The following HTR1F variants were observed in gnomAD, a reference collection of about 807,000 sequenced individuals.
HTR1F encodes the protein 5-hydroxytryptamine receptor 1F.
Under a neutral mutation model 24.0 loss-of-function variants are expected in HTR1F, and 17 were observed. The ratio of observed to expected loss-of-function variants is 0.71; its 90% CI spans 0.48 to 1.06. The LOEUF (loss-of-function observed/expected upper bound fraction) is 1.06. Ranked by LOEUF, HTR1F falls within the 50% of genes least tolerant of loss-of-function variation. The pLI is 0.00. For synonymous variants in HTR1F, 186 were observed against 156.8 expected, an observed-to-expected ratio of 1.19 and a Z score of -1.39; for missense variants, 391 against 427.8, an observed-to-expected ratio of 0.91 and a Z score of 0.76.
intron 2 of HTR1F, among the ~76,000 whole-genome samples, chr3:87,901,008 T>C (rs184176297): frequency 1.3e-5 from 2 of 152,184 alleles, no homozygotes; most frequent in African/African-American, 4.8e-5. Context: ...GAGAACGACA[T>C]CCAAGGACTG....
intron 2 of HTR1F, among the ~76,000 whole-genome samples, chr3:87,830,652 G>T (rs958682406): frequency 6.6e-6 from 1 of 152,116 alleles, no homozygotes; most frequent in Non-Finnish European, 1.5e-5. Context: ...TCTCATTAAA[G>T]TGTATTTAGC....
rs534163461 is a variant in HTR1F, at chr3:87,858,331, A to C, written c.-43+36207A>C. Among the ~76,000 whole-genome samples the C allele has an allele frequency of 6.0e-4, 91 of 152,312 alleles. No individual in the cohort carries two copies. The Middle Eastern group carries it at 0.01, about 17-fold the overall frequency. On this transcript the variant is annotated intron_variant, in intron 2 of 2. Transcript: ENST00000319595. Reference sequence around the variant, plus strand: ...CCTGTGATTTCCTGTGAACGTCTGCAGAAGCTTGTCTATATTAGGACTGGG... The same window carrying C: ...CCTGTGATTTCCTGTGAACGTCTGCCGAAGCTTGTCTATATTAGGACTGGG...
intron 2 of HTR1F, among the ~76,000 whole-genome samples, chr3:87,822,579 C>T (rs1244955609): frequency 6.6e-6 from 1 of 152,168 alleles, no homozygotes; most frequent in Non-Finnish European, 1.5e-5. Flanking sequence ...TAACTATCCT[C>T]AGTGGGATAA....
In HTR1F at chr3:87,991,986, A is replaced by G. The variant is rs1482546067; in HGVS notation, c.*136A>G. ...CTAAATTGATAAGGCTATAATTTAT[A>G]TTTTAATAGCAATGTGAATATAAAA... On this transcript the variant is annotated 3_prime_UTR_variant, in exon 3 of 3. Transcript: ENST00000319595. 4.6e-6 allele frequency: 3 copies of G among 645,930 alleles called. No homozygotes were observed. In the East Asian group the frequency reaches 8.9e-5, roughly 19 times the overall value. The allele number at this position is 645,930 out of a possible 1,614,324, so 40.0% of individuals were successfully genotyped here.
intron 1 of HTR1F, among the ~76,000 whole-genome samples, chr3:87,812,288 G>C (rs1704173994): frequency 6.6e-6 from 1 of 152,144 alleles, no homozygotes; most frequent in African/African-American, 2.4e-5. Context: ...ATTATTTAAT[G>C]GTTTTGACCA....
intron 2 of HTR1F, among the ~76,000 whole-genome samples, chr3:87,829,858 A>G (rs1704540117): frequency 6.6e-6 from 1 of 152,248 alleles, no homozygotes; most frequent in South Asian, 2.1e-4. Flanking sequence ...AGTACATCAT[A>G]GATTACTGAT....
In HTR1F at chr3:87,913,571, C is replaced by T. The variant is rs1172712036; in HGVS notation, c.-42-77137C>T. On this transcript the variant is annotated intron_variant, in intron 2 of 2. Transcript: ENST00000319595. ...GAAATACCATTTGACCCAGCAATCC[C>T]ATTACTGGATATATACCCAAAGAAA... Among the ~76,000 whole-genome samples, 15 of 152,218 alleles carry T rather than the reference C, an allele frequency of 9.9e-5. No individual in the cohort carries two copies. The East Asian group carries it at 2.9e-3, about 29-fold the overall frequency.
At chr3:87,987,545 G>C (rs1207324881) in intron 2 of HTR1F, among the ~76,000 whole-genome samples, 2 of 150,106 alleles carry the variant, frequency 1.3e-5, no homozygotes, top group East Asian at 1.9e-4. Context: ...AACAATATGA[G>C]AGAAGGGGAG....
At chr3:87,896,975 C>T (rs1038439188) in intron 2 of HTR1F, among the ~76,000 whole-genome samples, 26 of 152,050 alleles carry the variant, frequency 1.7e-4, no homozygotes, top group African/African-American at 5.3e-4. Context: ...TAGCTTATTG[C>T]AGCCCTTATG....
intron 2 of HTR1F, among the ~76,000 whole-genome samples, chr3:87,909,590 A>T (rs929901651): frequency 6.6e-6 from 1 of 152,076 alleles, no homozygotes; most frequent in Non-Finnish European, 1.5e-5. Context: ...TACAAAATCA[A>T]TTTTACCAGA....
rs368488042 is a variant in HTR1F, at chr3:87,923,308, G to T, written c.-42-67400G>T. 2.3e-4 allele frequency among the ~76,000 whole-genome samples: 35 copies of T among 151,888 alleles called. 1 individual carries two copies. Among genetic ancestry groups the T allele is most frequent in the African/African-American group, 6.0e-4 (25 of 41,494 alleles). ...TTTTATTTCTGTGAATCATGTTATT[G>T]GTATTTTAAGAGGGATCACATTGAA... On this transcript the variant is annotated intron_variant, in intron 2 of 2. Transcript: ENST00000319595.
At chr3:87,957,107 C>T (rs1423322898) in intron 2 of HTR1F, among the ~76,000 whole-genome samples, 4 of 151,236 alleles carry the variant, frequency 2.6e-5, no homozygotes, top group African/African-American at 9.7e-5. Flanking sequence ...TGCCTCTTAT[C>T]AGATGGAGGC....
At chr3:87,839,589 T>C (rs571923868) in intron 2 of HTR1F, among the ~76,000 whole-genome samples, 2 of 152,130 alleles carry the variant, frequency 1.3e-5, no homozygotes, top group Admixed American at 6.6e-5. Flanking sequence ...TTAAAAAAAG[T>C]CATTGGAATT....
chr3:87,822,474 A>T (rs1222130753), intron 2 of HTR1F, among the ~76,000 whole-genome samples: 3 of 152,212 alleles, frequency 2.0e-5, no homozygotes, highest in Admixed American at 1.3e-4. Context: ...ACTAAATCAG[A>T]TAAAAACCTG....
At chr3:87,946,600 T>C (rs1704711135) in intron 2 of HTR1F, among the ~76,000 whole-genome samples, 1 of 80,744 alleles carries the variant, frequency 1.2e-5, no homozygotes, top group African/African-American at 4.5e-5. Context: ...TTTACATATA[T>C]GTGTGTGTGT....
At chr3:87,903,547 G>A (rs1706382819) in intron 2 of HTR1F, among the ~76,000 whole-genome samples, 1 of 151,274 alleles carries the variant, frequency 6.6e-6, no homozygotes, top group Non-Finnish European at 1.5e-5. Context: ...CTGGCCATCA[G>A]AGAAATGCAA....
At chr3:87,952,875 A>G (rs929117095) in intron 2 of HTR1F, among the ~76,000 whole-genome samples, 2 of 151,670 alleles carry the variant, frequency 1.3e-5, no homozygotes, top group African/African-American at 4.8e-5. Context: ...TAATTACACT[A>G]CATTTTCAGC....
chr3:87,913,062 T>G (rs1468386039), intron 2 of HTR1F, among the ~76,000 whole-genome samples: 1 of 152,052 alleles, frequency 6.6e-6, no homozygotes, highest in African/African-American at 2.4e-5. Context: ...TCAAAACAAC[T>G]GCAACAAAAG....
intron 2 of HTR1F, among the ~76,000 whole-genome samples, chr3:87,863,442 G>A (rs1482778277): frequency 3.3e-5 from 5 of 152,110 alleles, no homozygotes; most frequent in Non-Finnish European, 7.4e-5. Flanking sequence ...ATATTTGCTT[G>A]GATGAGATAG....
Sources: allele counts gnomAD v4.1 joint callset (sites outside exome capture counted in the v4.1 genomes callset), GRCh38; gene constraint gnomAD v4.1.1; transcripts MANE v1.5; gene names NCBI Gene and HGNC (gene_info 2026-07-23, HGNC 2026-07-21).